Variants in PIBF1 observed in about 807,000 individuals in gnomAD.
PIBF1 encodes the protein progesterone-induced-blocking factor 1.
Under a neutral mutation model 112.5 loss-of-function variants are expected in PIBF1, and 90 were observed. That is an observed-to-expected ratio of 0.80 (90% CI 0.67 to 0.95). The LOEUF (loss-of-function observed/expected upper bound fraction) is 0.95, where lower values mean the gene tolerates loss of function less well. PIBF1 is among the 40% of genes least tolerant of loss of function. PIBF1 has a pLI of 0.00. For synonymous variants in PIBF1, 301 were observed against 288.6 expected (o/e 1.04, Z -0.44); for missense variants, 915 against 852.3 (o/e 1.07, Z -0.92).
chr13:73,004,759 TA>T (rs1192372386), intron 17 of PIBF1, among the ~76,000 whole-genome samples: 5 of 152,156 alleles, frequency 3.3e-5, no homozygotes, highest in South Asian at 2.1e-4. Context: ...TGTCAGGGGC[TA>T]GGGGGTATGG....
At chr13:72,961,533 A>G (rs2042608019) in intron 14 of PIBF1, among the ~76,000 whole-genome samples, 2 of 152,216 alleles carry the variant, frequency 1.3e-5, no homozygotes, top group South Asian at 4.1e-4. Flanking sequence ...CAATTATGAC[A>G]AAAAGAATGG....
chr13:72,783,571 T>G lies in PIBF1; in HGVS notation c.102T>G (p.Ile34Met), dbSNP rs144756207. Residue 34 changes from isoleucine (I) to methionine (M), a missense_variant, in exon 2 of 18, where the codon ATT becomes ATG. Transcript: ENST00000326291. ...SLETTVPTDD[I>M]SSSEEREGKV... ...AAACAACAGTTCCTACGGATGATAT[T>G]TCCTCATCAGAAGAGCGAGAGGGCA... 162 of 1,613,958 alleles carry G rather than the reference T, an allele frequency of 1.0e-4. No individual in the cohort carries two copies. The African/African-American group carries it at 2.0e-3, about 20-fold the overall frequency.
intron 10 of PIBF1, among the ~76,000 whole-genome samples, chr13:72,857,364 A>C (rs1339532102): frequency 6.6e-6 from 1 of 152,248 alleles, no homozygotes; most frequent in Non-Finnish European, 1.5e-5. Flanking sequence ...AGAAGTAATA[A>C]ATTGATAAAC....
chr13:72,994,415 C>A (rs552324578), intron 16 of PIBF1, among the ~76,000 whole-genome samples: 1 of 152,128 alleles, frequency 6.6e-6, no homozygotes, highest in African/African-American at 2.4e-5. Flanking sequence ...CAAATAGGAA[C>A]CTAAATCAAT....
intron 10 of PIBF1, among the ~76,000 whole-genome samples, chr13:72,868,830 A>T (rs1314760905): frequency 5.6e-3 from 61 of 10,870 alleles, no homozygotes; most frequent in Admixed American, 0.042. Context: ...CCAAAAAGTA[A>T]AAAAAAAAAA....
intron 10 of PIBF1, among the ~76,000 whole-genome samples, chr13:72,877,109 A>G (rs1445400976): frequency 1.3e-5 from 2 of 152,124 alleles, no homozygotes; most frequent in Admixed American, 1.3e-4. Flanking sequence ...ATTTTGTGAA[A>G]TGCTTTCTCT....
At position 72,877,739 on chromosome 13, in the gene PIBF1, T is replaced by C. The variant is rs2039465595; in HGVS notation, c.1323-16045T>C. On this transcript the variant is annotated intron_variant, in intron 10 of 17. Coordinates refer to ENST00000326291, the MANE Select transcript of PIBF1 (RefSeq NM_006346.4). ...TAATGACCACTGTTTCATTTCTTTT[T>C]TTTCTTTTCTTTTCTTTTTTTTTTT... Among the ~76,000 whole-genome samples the C allele has an allele frequency of 2.0e-5, 3 of 151,310 alleles. No individual in the cohort carries two copies. The South Asian group carries it at 6.2e-4, about 31-fold the overall frequency.
intron 5 of PIBF1, among the ~76,000 whole-genome samples, chr13:72,810,738 A>G (rs530335035): frequency 1.3e-5 from 2 of 152,338 alleles, no homozygotes; most frequent in East Asian, 3.9e-4. Flanking sequence ...CAAATTAGTA[A>G]ACAGTGATAG....
intron 9 of PIBF1, among the ~76,000 whole-genome samples, chr13:72,847,120 TG>T (rs1242112318): frequency 6.6e-6 from 1 of 152,240 alleles, no homozygotes; most frequent in East Asian, 1.9e-4. Context: ...TCAGCTACTT[TG>T]TAAATCTTAA....
At chr13:72,972,307 C>T (rs2042916336) in intron 15 of PIBF1, among the ~76,000 whole-genome samples, 2 of 152,066 alleles carry the variant, frequency 1.3e-5, no homozygotes, top group Admixed American at 6.6e-5. Context: ...GCTAGGATTA[C>T]AGGCATGAGC....
chr13:72,897,679 A>G (rs2040333986), intron 11 of PIBF1, among the ~76,000 whole-genome samples: 1 of 152,212 alleles, frequency 6.6e-6, no homozygotes, highest in Non-Finnish European at 1.5e-5. Context: ...ACATCAGACA[A>G]AAAAAACTTT....
At chr13:72,955,540 T>C (rs952498125) in intron 14 of PIBF1, among the ~76,000 whole-genome samples, 21 of 152,190 alleles carry the variant, frequency 1.4e-4, no homozygotes, top group African/African-American at 5.1e-4. Context: ...CGAAAACTCA[T>C]GAGTGACTAT....
At chr13:72,994,375 GA>G (rs2043580907) in intron 16 of PIBF1, among the ~76,000 whole-genome samples, 1 of 152,038 alleles carries the variant, frequency 6.6e-6, no homozygotes, top group Non-Finnish European at 1.5e-5. Flanking sequence ...GAAAAGAGGG[GA>G]AAAAAATATT....
chr13:72,908,694 C>G lies in PIBF1; in HGVS notation c.1639+13C>G, dbSNP rs912492045. 9 of 1,600,460 alleles carry G rather than the reference C, an allele frequency of 5.6e-6. No homozygotes were observed. The highest frequency in any genetic ancestry group is 7.7e-6 in the Non-Finnish European group (9 of 1,174,928). Reference sequence around the variant, plus strand: ...CAAACTGCAGAAAGTAAGTCTTCCCCCACACACACATGCACAACTTTTTTT... The same window carrying G: ...CAAACTGCAGAAAGTAAGTCTTCCCGCACACACACATGCACAACTTTTTTT... On this transcript the variant is annotated intron_variant, in intron 12 of 17. Coordinates refer to ENST00000326291, the MANE Select transcript of PIBF1 (RefSeq NM_006346.4).
chr13:72,807,240 A>T (rs913750200), intron 5 of PIBF1, among the ~76,000 whole-genome samples: 1 of 152,152 alleles, frequency 6.6e-6, no homozygotes, highest in African/African-American at 2.4e-5. Flanking sequence ...TTCTTCAGAT[A>T]CAACTGTTAA....
At chr13:73,010,229 GT>G (rs35486011) in intron 17 of PIBF1, among the ~76,000 whole-genome samples, 39,165 of 123,248 alleles carry the variant, frequency 0.32, 5,143 homozygotes, top group Non-Finnish European at 0.36. Context: ...TTCTATGCTA[GT>G]TTTTTTTTTT....
At chr13:72,956,511 C>T (rs2042449688) in intron 14 of PIBF1, among the ~76,000 whole-genome samples, 1 of 152,170 alleles carries the variant, frequency 6.6e-6, no homozygotes, top group Non-Finnish European at 1.5e-5. Flanking sequence ...TCATTAATGA[C>T]CTCTGAATGG....
At chr13:72,979,174 G>A (rs970410609) in intron 16 of PIBF1, among the ~76,000 whole-genome samples, 2 of 152,168 alleles carry the variant, frequency 1.3e-5, no homozygotes, top group Non-Finnish European at 2.9e-5. Context: ...CAGCTTGGGT[G>A]ACAGCAACAC....
chr13:72,823,649 T>G (rs1201930778), intron 6 of PIBF1, among the ~76,000 whole-genome samples: 1 of 152,112 alleles, frequency 6.6e-6, no homozygotes, highest in Non-Finnish European at 1.5e-5. Context: ...TAAAAGAAAT[T>G]CAAATGCTTT....
Sources: gnomAD v4.1 joint callset for allele counts (sites outside exome capture counted in the v4.1 genomes callset) on GRCh38, gnomAD v4.1.1 for gene constraint, MANE v1.5 for transcripts, NCBI Gene and HGNC (gene_info 2026-07-23, HGNC 2026-07-21) for gene names.